Variants in VWA5A observed in about 807,000 individuals in gnomAD.
VWA5A encodes the protein von Willebrand factor A domain containing 5A.
Under a neutral mutation model 84.6 loss-of-function variants are expected in VWA5A, and 77 were observed. That is an observed-to-expected ratio of 0.91 (90% CI 0.76 to 1.10). The LOEUF is 1.10. Among genes scored for constraint, VWA5A ranks in the 50% least tolerant of loss-of-function variants. The pLI, the probability that VWA5A is intolerant of heterozygous loss-of-function variation, is 0.00. For missense variants in VWA5A, 973 were observed against 963.0 expected (o/e 1.01, Z -0.14); for synonymous variants, 334 against 350.1 (o/e 0.95, Z 0.51).
intron 11 of VWA5A, among the ~76,000 whole-genome samples, chr11:124,131,730 A>G (rs1865100710): frequency 6.6e-6 from 1 of 151,764 alleles, no homozygotes; most frequent in Non-Finnish European, 1.5e-5. Flanking sequence ...ATATTCTATG[A>G]AGAATCACAT....
intron 8 of VWA5A, 37 bp downstream of exon 8, chr11:124,123,166 T>C: frequency 1.3e-6 from 2 of 1,594,978 alleles, no homozygotes; most frequent in Non-Finnish European, 1.7e-6. Flanking sequence ...GGTCACATGC[T>C]CAAGTGAGGA....
In VWA5A at chr11:124,145,110, G is replaced by A. The variant is rs1314797560; in HGVS notation, c.2155-127G>A. The A allele has an allele frequency of 4.9e-6, 6 of 1,222,894 alleles. No individual in the cohort carries two copies. The Admixed American group carries it at 1.4e-4, about 30-fold the overall frequency. The allele number at this position is 1,222,894 out of a possible 1,614,324, so 75.8% of individuals were successfully genotyped here. On this transcript the variant is annotated intron_variant, in intron 17 of 18. Transcript: ENST00000456829. ...TATGCCTTGCAAGTAGTATCTGGAG[G>A]TAAAGAGAGACCAGGTAACTCCATC...
rs534104236 is a variant in VWA5A, at chr11:124,138,437, C to T, written c.1879+1169C>T. Among the ~76,000 whole-genome samples the T allele has an allele frequency of 6.6e-5, 10 of 152,244 alleles. No individual in the cohort carries two copies. In the South Asian group the frequency reaches 1.0e-3, roughly 16 times the overall value. On this transcript the variant is annotated intron_variant, in intron 15 of 18. Coordinates refer to ENST00000456829, the MANE Select transcript of VWA5A (RefSeq NM_001130142.2). ...GCAAGCATTCCCTTTTCCCCATATC[C>T]TCACCAGTACTTGTTATCTTTTGTC... is the stretch of plus-strand genomic sequence containing the variant.
intron 15 of VWA5A, among the ~76,000 whole-genome samples, chr11:124,140,950 G>A (rs1485689759): frequency 2.0e-5 from 3 of 152,322 alleles, no homozygotes; most frequent in African/African-American, 7.2e-5. Context: ...GGCTTGGGAG[G>A]AAGTGGCAGA....
intron 18 of VWA5A, 115 bp downstream of exon 18, chr11:124,145,478 A>G: frequency 7.3e-7 from 1 of 1,367,354 alleles, no homozygotes; most frequent in Non-Finnish European, 9.7e-7. Context: ...ATCTTTACTA[A>G]TCTTTCTGCT....
intron 11 of VWA5A, among the ~76,000 whole-genome samples, chr11:124,134,445 A>G (rs1865143247): frequency 6.6e-6 from 1 of 152,224 alleles, no homozygotes; most frequent in African/African-American, 2.4e-5. Flanking sequence ...AGGCAGGGCA[A>G]GAACTCTCCA....
At chr11:124,138,467 T>G (rs1324009164) in intron 15 of VWA5A, among the ~76,000 whole-genome samples, 1 of 152,158 alleles carries the variant, frequency 6.6e-6, no homozygotes, top group East Asian at 1.9e-4. Context: ...TTTGTCTTTT[T>G]GATGATAGCC....
chr11:124,116,037 CCACTT>C (rs1246595748), intron 1 of VWA5A: 1 of 152,084 alleles, frequency 6.6e-6, no homozygotes, highest in African/African-American at 2.4e-5. Context: ...TCCGAGTTCT[CCACTT>C]CACCCCTGCC....
chr11:124,123,800 T>A lies in VWA5A; in HGVS notation c.1160T>A (p.Leu387Gln). ...GGACCCTCCATCCCAGGCCACCCCCTACAGGTAAGAAGTGGAACAGAGCTA... is the reference window on the plus strand; with the variant it reads ...GGACCCTCCATCCCAGGCCACCCCCAACAGGTAAGAAGTGGAACAGAGCTA... Reference protein sequence around the residue: ...YRGPSIPGHPLQLFVFTDGEV... With the variant: ...YRGPSIPGHPQQLFVFTDGEV... Residue 387 changes from leucine (L) to glutamine (Q), a missense_variant, in exon 10 of 19, where the codon CTA becomes CAA. Leu to Gln is a moderately radical substitution (Grantham distance 113). Coordinates refer to ENST00000456829, the MANE Select transcript of VWA5A (RefSeq NM_001130142.2). The A allele has an allele frequency of 1.3e-6, 2 of 1,569,748 alleles. No individual in the cohort carries two copies. The highest frequency in any genetic ancestry group is 8.6e-7 in the Non-Finnish European group (1 of 1,162,944).
chr11:124,141,557 G>C (rs1386578595), intron 15 of VWA5A, 41 bp from the exon 16 acceptor site: 2 of 1,609,264 alleles, frequency 1.2e-6, no homozygotes, highest in African/African-American at 1.3e-5. Flanking sequence ...CCACTGCAGA[G>C]AGCAGGGAGT....
chr11:124,145,631 C>G (rs570566498), intron 18 of VWA5A, among the ~76,000 whole-genome samples: 53 of 152,270 alleles, frequency 3.5e-4, no homozygotes, highest in African/African-American at 1.2e-3. Flanking sequence ...GTCTCAGTAC[C>G]AAGCTGAGTA....
rs748858579 is a variant in VWA5A at position 124,123,455 on chromosome 11, G to A, written c.1019+1G>A. The A allele has an allele frequency of 8.1e-6, 13 of 1,613,566 alleles. No homozygotes were observed. The highest frequency in any genetic ancestry group is 5.5e-5 in the South Asian group (5 of 91,014). ...GCTCTTCCTATGAGGCATGCTTTCC[G>A]TAAGTTTCTGGAAAGACAATAGGGA... On this transcript the variant is annotated splice_donor_variant, in intron 9 of 18. Transcript: ENST00000456829. LOFTEE classifies it high-confidence loss of function.
intron 1 of VWA5A, chr11:124,115,696 G>A (rs1347892222): frequency 6.6e-6 from 1 of 152,224 alleles, no homozygotes; most frequent in Non-Finnish European, 1.5e-5. Flanking sequence ...GAGGTTGAAG[G>A]AGGGATTTAG....
chr11:124,138,729 C>T (rs940075713), intron 15 of VWA5A, among the ~76,000 whole-genome samples: 1 of 152,128 alleles, frequency 6.6e-6, no homozygotes, highest in African/African-American at 2.4e-5. Context: ...TTCTCCCATT[C>T]CGTAGGTTGT....
chr11:124,139,872 G>T (rs1860692628), intron 15 of VWA5A, among the ~76,000 whole-genome samples: 1 of 151,998 alleles, frequency 6.6e-6, no homozygotes, highest in African/African-American at 2.4e-5. Flanking sequence ...TCCTTGTCTT[G>T]TTTCTGATTT....
rs760798484 is a variant in VWA5A at position 124,145,224 on chromosome 11, A to G, written c.2155-13A>G. On this transcript the variant is annotated splice_polypyrimidine_tract_variant and intron_variant, in intron 17 of 18. Transcript: ENST00000456829. The stretch of plus-strand genomic sequence containing the variant: ...CTTCCTGTGCCAACTGGAGCTCTCT[A>G]TCTACTGTGCAGCTTGTGGATTCCT... 3 of 1,608,232 alleles carry G rather than the reference A, an allele frequency of 1.9e-6. No homozygotes were observed. Among genetic ancestry groups the G allele is most frequent in the African/African-American group, 1.3e-5 (1 of 74,844 alleles).
At chr11:124,121,658 C>G (rs1268865909) in intron 7 of VWA5A, among the ~76,000 whole-genome samples, 1 of 152,136 alleles carries the variant, frequency 6.6e-6, no homozygotes, top group East Asian at 1.9e-4. Flanking sequence ...ATGAGGCTAG[C>G]AAGCAGAGGA....
At chr11:124,135,146 G>A in intron 12 of VWA5A, 112 bp downstream of exon 12, 2 of 801,540 alleles carry the variant, frequency 2.5e-6, no homozygotes, top group Non-Finnish European at 1.9e-6. Context: ...CAGGATACCT[G>A]TTCCTATATC....
intron 13 of VWA5A, 21 bp from the exon 14 acceptor site, chr11:124,136,552 TC>T: frequency 6.2e-7 from 1 of 1,608,442 alleles, no homozygotes; most frequent in Non-Finnish European, 8.5e-7. Context: ...TTCCGTCATT[TC>T]TACTCATCTC....
Sources: allele counts gnomAD v4.1 joint callset (sites outside exome capture counted in the v4.1 genomes callset), GRCh38; gene constraint gnomAD v4.1.1; transcripts MANE v1.5; gene names NCBI Gene and HGNC (gene_info 2026-07-23, HGNC 2026-07-21).